PDZRN4: variants seen among roughly 807,000 people sequenced by gnomAD.
PDZRN4 encodes the protein PDZ domain-containing RING finger protein 4.
Under a neutral mutation model 99.0 loss-of-function variants are expected in PDZRN4, and 70 were observed. The observed-to-expected ratio is 0.71, with a 90% CI of 0.58 to 0.86. PDZRN4 has a LOEUF of 0.86. PDZRN4 is among the 40% of genes least tolerant of loss of function. The pLI is 0.00. For synonymous variants in PDZRN4, 551 were observed against 501.6 expected, an observed-to-expected ratio of 1.10 and a Z score of -1.32; for missense variants, 1,474 against 1,331.2, an observed-to-expected ratio of 1.11 and a Z score of -1.67.
At chr12:41,494,330 C>T (rs973314393) in intron 3 of PDZRN4, among the ~76,000 whole-genome samples, 6 of 152,034 alleles carry the variant, frequency 3.9e-5, no homozygotes, top group African/African-American at 1.4e-4. Flanking sequence ...GTGTCATCTT[C>T]AGCAAGTTGC....
At chr12:41,354,016 A>G (rs1385612061) in intron 3 of PDZRN4, among the ~76,000 whole-genome samples, 1 of 152,104 alleles carries the variant, frequency 6.6e-6, no homozygotes, top group Non-Finnish European at 1.5e-5. Context: ...AGGATAAATA[A>G]TTTGAGAGAC....
chr12:41,215,886 C>T (rs1277507418), intron 3 of PDZRN4, among the ~76,000 whole-genome samples: 3 of 151,470 alleles, frequency 2.0e-5, no homozygotes, highest in Non-Finnish European at 4.4e-5. Flanking sequence ...ATTTAATTTG[C>T]TCTCCTAAAT....
intron 1 of PDZRN4, among the ~76,000 whole-genome samples, chr12:41,189,607 G>A (rs565626726): frequency 6.6e-6 from 1 of 152,290 alleles, no homozygotes; most frequent in East Asian, 1.9e-4. Flanking sequence ...CACTTGCGCT[G>A]CCACTGCCTG....
chr12:41,371,498 T>C (rs1376599782), intron 3 of PDZRN4, among the ~76,000 whole-genome samples: 1 of 152,048 alleles, frequency 6.6e-6, no homozygotes, highest in Non-Finnish European at 1.5e-5. Context: ...ATCCAACTTC[T>C]TGTCTCATTT....
chr12:41,329,974 C>G (rs1951732397), intron 3 of PDZRN4, among the ~76,000 whole-genome samples: 1 of 152,062 alleles, frequency 6.6e-6, no homozygotes, highest in South Asian at 2.1e-4. Flanking sequence ...CGCCTGAAGG[C>G]TGGATTTTGA....
chr12:41,356,540 C>T (rs1951928861), intron 3 of PDZRN4, among the ~76,000 whole-genome samples: 1 of 151,920 alleles, frequency 6.6e-6, no homozygotes, highest in Non-Finnish European at 1.5e-5. Context: ...TCTTCCCAAC[C>T]ATCAACCTGT....
chr12:41,495,893 C>T (rs1426857604), intron 3 of PDZRN4, among the ~76,000 whole-genome samples: 1 of 152,084 alleles, frequency 6.6e-6, no homozygotes, highest in African/African-American at 2.4e-5. Context: ...ATCAGACCCA[C>T]CTCAAACGTC....
Position 41,549,502 on chromosome 12 carries a change from G to A in PDZRN4, c.1204-3154G>A, listed in dbSNP as rs977042787. On this transcript the variant is annotated intron_variant, in intron 5 of 9. Transcript: ENST00000402685. ...TCTGTGTTTTAATATAAACTATGTA[G>A]TATCTGAGACAATCTCAACCAAGAA... 2.0e-5 allele frequency among the ~76,000 whole-genome samples: 3 copies of A among 152,136 alleles called. No individual in the cohort carries two copies. The South Asian group carries it at 6.2e-4, about 32-fold the overall frequency.
chr12:41,385,656 C>G (rs1196443578), intron 3 of PDZRN4, among the ~76,000 whole-genome samples: 1 of 152,070 alleles, frequency 6.6e-6, no homozygotes, highest in Non-Finnish European at 1.5e-5. Flanking sequence ...CAACAATGAG[C>G]TCTGAAATTT....
intron 5 of PDZRN4, among the ~76,000 whole-genome samples, chr12:41,517,585 A>G (rs1187143854): frequency 6.6e-6 from 1 of 152,080 alleles, no homozygotes; most frequent in Non-Finnish European, 1.5e-5. Context: ...ACAGACTAGG[A>G]GTGTGGCCCC....
chr12:41,510,229 A>G lies in PDZRN4; in HGVS notation c.1203+316A>G, dbSNP rs147419477. Reference sequence around the variant, plus strand: ...TTTCCAAGTGGAGTTTGAAAAATATATTTAAAACAAAGATTGTGTTTACTA... The same window carrying G: ...TTTCCAAGTGGAGTTTGAAAAATATGTTTAAAACAAAGATTGTGTTTACTA... On this transcript the variant is annotated intron_variant, in intron 5 of 9. Transcript: ENST00000402685. 3.9e-4 allele frequency among the ~76,000 whole-genome samples: 60 copies of G among 152,242 alleles called. 2 individuals carry two copies. The highest frequency in any genetic ancestry group is 1.3e-3 in the African/African-American group (55 of 41,562).
intron 3 of PDZRN4, among the ~76,000 whole-genome samples, chr12:41,337,321 C>G (rs1333213900): frequency 6.6e-6 from 1 of 152,012 alleles, no homozygotes; most frequent in Non-Finnish European, 1.5e-5. Context: ...GAAATGGGAC[C>G]ACTGCTCTGC....
At chr12:41,433,488 CGTAA>C (rs1952602263) in intron 3 of PDZRN4, among the ~76,000 whole-genome samples, 5 of 152,144 alleles carry the variant, frequency 3.3e-5, no homozygotes. Context: ...TTCAAAAGCA[CGTAA>C]GTATCTCCTG....
At chr12:41,248,327 T>C (rs1252037219) in intron 3 of PDZRN4, among the ~76,000 whole-genome samples, 1 of 152,178 alleles carries the variant, frequency 6.6e-6, no homozygotes, top group East Asian at 1.9e-4. Context: ...CAAAATTTTT[T>C]GGCTAAGAAA....
At chr12:41,536,468 G>A (rs1339642700) in intron 5 of PDZRN4, among the ~76,000 whole-genome samples, 1 of 152,158 alleles carries the variant, frequency 6.6e-6, no homozygotes, top group African/African-American at 2.4e-5. Context: ...TTTCAGGGCA[G>A]TGAAACTGTT....
At chr12:41,336,112 C>G (rs2141105) in intron 3 of PDZRN4, among the ~76,000 whole-genome samples, 58,413 of 151,886 alleles carry the variant, frequency 0.38, 11,319 homozygotes, top group African/African-American at 0.4. Flanking sequence ...TGCATGCGGA[C>G]GCAACACAAT....
chr12:41,498,206 T>G (rs1938045024), intron 3 of PDZRN4, among the ~76,000 whole-genome samples: 2 of 151,948 alleles, frequency 1.3e-5, no homozygotes, highest in South Asian at 4.1e-4. Context: ...ATTACATGCC[T>G]CCTGATAAGA....
chr12:41,500,739 A>AG (rs757034550), intron 3 of PDZRN4, among the ~76,000 whole-genome samples: 65 of 152,120 alleles, frequency 4.3e-4, no homozygotes, highest in Admixed American at 7.2e-4. Flanking sequence ...ACCAAAGTTT[A>AG]GGGAAAAAAA....
At chr12:41,364,768 G>A (rs1052592258) in intron 3 of PDZRN4, among the ~76,000 whole-genome samples, 2 of 152,016 alleles carry the variant, frequency 1.3e-5, no homozygotes, top group African/African-American at 4.8e-5. Context: ...GGGGAATATA[G>A]GATTCGTAGT....
Sources: allele counts gnomAD v4.1 joint callset (sites outside exome capture counted in the v4.1 genomes callset), GRCh38; gene constraint gnomAD v4.1.1; transcripts MANE v1.5; gene names NCBI Gene and HGNC (gene_info 2026-07-23, HGNC 2026-07-21).